TMEM26: variants seen among roughly 807,000 people sequenced by gnomAD.
The protein encoded by TMEM26 is transmembrane protein 26.
TMEM26 carries 38 observed loss-of-function variants against 28.8 expected under a neutral mutation model. That is an observed-to-expected ratio of 1.32 (90% CI 1.02 to 1.73). The LOEUF (loss-of-function observed/expected upper bound fraction) is 1.73, where lower values mean the gene tolerates loss of function less well. Ranked by LOEUF, TMEM26 falls within the 40% of genes most tolerant of loss-of-function variation. The probability of loss-of-function intolerance (pLI) is 0.00; values close to 1 mark genes in which losing one functional copy is unlikely to be tolerated. For missense variants in TMEM26, 518 were observed against 447.1 expected (o/e 1.16, Z -1.43); for synonymous variants, 227 against 182.9 (o/e 1.24, Z -1.95).
chr10:61,421,545 T>C (rs1472639142), intron 4 of TMEM26, among the ~76,000 whole-genome samples: 1 of 152,144 alleles, frequency 6.6e-6, no homozygotes, highest in African/African-American at 2.4e-5. Flanking sequence ...CCAATGACTA[T>C]TGTCCTTATA....
intron 2 of TMEM26, among the ~76,000 whole-genome samples, chr10:61,435,104 C>A (rs891177648): frequency 3.9e-5 from 6 of 152,170 alleles, no homozygotes; most frequent in Non-Finnish European, 7.3e-5. Context: ...TGCACTCAAC[C>A]TAGAGACTGC....
Position 61,429,027 on chromosome 10 carries a change from C to A in TMEM26, c.504G>T (p.Gly168=), listed in dbSNP as rs1008737485. The A allele has an allele frequency of 6.2e-7, 1 of 1,613,246 alleles. No individual in the cohort carries two copies. Among genetic ancestry groups the A allele is most frequent in the Non-Finnish European group, 8.5e-7 (1 of 1,179,442 alleles). ...IGRWLLPIGG[G]ITRDQLSQLL... ...GTTGAGAGAGTTGATCTCGAGTGAT[C>A]CCGCCTCCAATGGGTAGAAGCCATC... Residue 168 remains glycine (G), a synonymous_variant, in exon 4 of 6, where the codon GGG becomes GGT. Transcript: ENST00000399298.
At chr10:61,452,827 C>A (rs1170770171) in intron 1 of TMEM26, 64 bp downstream of exon 1, 4 of 1,532,894 alleles carry the variant, frequency 2.6e-6, no homozygotes, top group Non-Finnish European at 3.6e-6. Context: ...AGATGGCCTG[C>A]GAGTGCGGTG....
intron 5 of TMEM26, among the ~76,000 whole-genome samples, chr10:61,412,641 T>G (rs1839585826): frequency 6.6e-6 from 1 of 152,186 alleles, no homozygotes; most frequent in Admixed American, 6.5e-5. Context: ...AGATGAACAC[T>G]GCTCAACTGA....
chr10:61,428,806 C>T (rs1229434901), intron 4 of TMEM26, 120 bp downstream of exon 4: 41 of 819,666 alleles, frequency 5.0e-5, no homozygotes, highest in Non-Finnish European at 6.9e-5. Context: ...CTGATCCTAA[C>T]GTTGCATATA....
intron 4 of TMEM26, among the ~76,000 whole-genome samples, chr10:61,420,524 G>C (rs1407056972): frequency 2.0e-5 from 3 of 152,116 alleles, no homozygotes; most frequent in Admixed American, 2.0e-4. Context: ...CCAGTAGACA[G>C]TGAAATTATA....
chr10:61,429,026 T>A lies in TMEM26; in HGVS notation c.505A>T (p.Ile169Phe), dbSNP rs1164076602. The A allele has an allele frequency of 6.2e-7, 1 of 1,613,310 alleles. No individual in the cohort carries two copies. Among genetic ancestry groups the A allele is most frequent in the Non-Finnish European group, 8.5e-7 (1 of 1,179,472 alleles). Residue 169 changes from isoleucine (I) to phenylalanine (F), a missense_variant, in exon 4 of 6, where the codon ATC (isoleucine) becomes TTC (phenylalanine). Transcript: ENST00000399298. ...GRWLLPIGGG[I>F]TRDQLSQLLL... ...AGTTGAGAGAGTTGATCTCGAGTGATCCCGCCTCCAATGGGTAGAAGCCAT... is the reference window on the plus strand; with the variant it reads ...AGTTGAGAGAGTTGATCTCGAGTGAACCCGCCTCCAATGGGTAGAAGCCAT...
intron 4 of TMEM26, among the ~76,000 whole-genome samples, chr10:61,416,684 G>T (rs1839657728): frequency 6.6e-6 from 1 of 151,964 alleles, no homozygotes; most frequent in African/African-American, 2.4e-5. Context: ...TAGTGTGGAT[G>T]TAAATGCAAA....
intron 4 of TMEM26, among the ~76,000 whole-genome samples, chr10:61,420,803 A>G (rs1160132329): frequency 7.2e-5 from 11 of 152,058 alleles, no homozygotes; most frequent in Non-Finnish European, 1.5e-4. Flanking sequence ...TCAGGTCGAA[A>G]GGAAATTACA....
At chr10:61,411,412 C>A (rs1839567803) in intron 5 of TMEM26, among the ~76,000 whole-genome samples, 1 of 152,192 alleles carries the variant, frequency 6.6e-6, no homozygotes, top group Non-Finnish European at 1.5e-5. Context: ...AGAAACGGAG[C>A]AAAGTGTACG....
rs61850634 is a variant in TMEM26, at chr10:61,448,079, G to A, written c.191+4812C>T. On this transcript the variant is annotated intron_variant, in intron 1 of 5. Transcript: ENST00000399298. Reference sequence around the variant, plus strand: ...CCTGACACAATACAGTAGATGTTCCGTACACTGTTGTTGAAAGAAGAGTGA... The same window carrying A: ...CCTGACACAATACAGTAGATGTTCCATACACTGTTGTTGAAAGAAGAGTGA... Among the ~76,000 whole-genome samples the A allele has an allele frequency of 6.5e-3, 989 of 152,350 alleles. 6 individuals are homozygous for A. Among genetic ancestry groups the A allele is most frequent in the Non-Finnish European group, 0.011 (773 of 68,038 alleles).
chr10:61,410,944 C>T (rs1384287282), intron 5 of TMEM26, among the ~76,000 whole-genome samples, 198 bp from the exon 6 acceptor site: 2 of 152,158 alleles, frequency 1.3e-5, no homozygotes, highest in East Asian at 1.9e-4. Context: ...CCCTGTGACT[C>T]GCATCCACAT....
chr10:61,416,666 T>A (rs1839657415), intron 4 of TMEM26, among the ~76,000 whole-genome samples: 1 of 152,018 alleles, frequency 6.6e-6, no homozygotes, highest in Non-Finnish European at 1.5e-5. Context: ...ATAAAAAAAT[T>A]TACTTCATAG....
intron 1 of TMEM26, among the ~76,000 whole-genome samples, chr10:61,446,227 C>T (rs1440202407): frequency 2.0e-5 from 3 of 152,246 alleles, no homozygotes; most frequent in Middle Eastern, 6.8e-3. Flanking sequence ...TTGAAGAAGA[C>T]TCTTGTCCTA....
chr10:61,407,953 GT>G lies in TMEM26; in HGVS notation c.*2368del, dbSNP rs763327658. 1.3e-5 allele frequency: 2 copies of G among 152,194 alleles called. No individual in the cohort carries two copies. The highest frequency in any genetic ancestry group is 2.9e-5 in the Non-Finnish European group (2 of 68,038). 9.4% of individuals were successfully genotyped at this position (152,194 alleles called of 1,614,324 possible). On this transcript the variant is annotated 3_prime_UTR_variant, in exon 6 of 6. Transcript: ENST00000399298. ...CAGTTGGATGTTTTGAAACATTACA[GT>G]ATTTAGCAGTCTACGCTATGAACTG...
chr10:61,429,606 T>G (rs1839889597), intron 3 of TMEM26, among the ~76,000 whole-genome samples: 1 of 152,094 alleles, frequency 6.6e-6, no homozygotes, highest in Non-Finnish European at 1.5e-5. Context: ...TTCTCTTTGT[T>G]TTTTTGCTTT....
intron 1 of TMEM26, among the ~76,000 whole-genome samples, chr10:61,450,519 C>T (rs1326735850): frequency 6.6e-6 from 1 of 152,078 alleles, no homozygotes; most frequent in Non-Finnish European, 1.5e-5. Flanking sequence ...CAAAAATGAG[C>T]ATATGTCTAT....
At chr10:61,416,211 C>A in intron 4 of TMEM26, 1 of 405,416 alleles carries the variant, frequency 2.5e-6, no homozygotes, top group South Asian at 1.8e-5. Context: ...GAAGTTTCAT[C>A]TAATCCCAAA....
At position 61,435,642 on chromosome 10, in the gene TMEM26, T is replaced by G. The variant is rs568891777; in HGVS notation, c.270+528A>C. ...AGCCCGTGGGACTCCCAAAAATTAATCTCCTGTAATCTGCATAACCTGCAT... is the reference window on the plus strand; with the variant it reads ...AGCCCGTGGGACTCCCAAAAATTAAGCTCCTGTAATCTGCATAACCTGCAT... On this transcript the variant is annotated intron_variant, in intron 2 of 5. Transcript: ENST00000399298. Among the ~76,000 whole-genome samples, 3 of 152,342 alleles carry G rather than the reference T, an allele frequency of 2.0e-5. No homozygotes were observed. In the East Asian group the frequency reaches 5.8e-4, roughly 29 times the overall value.
Sources: allele counts gnomAD v4.1 joint callset (sites outside exome capture counted in the v4.1 genomes callset), GRCh38; gene constraint gnomAD v4.1.1; transcripts MANE v1.5; gene names NCBI Gene and HGNC (gene_info 2026-07-23, HGNC 2026-07-21).